The following CACNG7 variants were observed in gnomAD, a reference collection of about 807,000 sequenced individuals.
CACNG7 encodes the protein voltage-dependent calcium channel gamma-7 subunit.
Under a neutral mutation model 26.3 loss-of-function variants are expected in CACNG7, and 9 were observed. The ratio of observed to expected loss-of-function variants is 0.34; its 90% confidence interval spans 0.21 to 0.60. The LOEUF (loss-of-function observed/expected upper bound fraction) is 0.60, where lower values mean the gene tolerates loss of function less well. CACNG7 is among the 20% of genes least tolerant of loss of function. The pLI, the probability that CACNG7 is intolerant of heterozygous loss-of-function variation, is 0.81. For missense variants in CACNG7, 297 were observed against 380.4 expected (o/e 0.78, Z 1.82); for synonymous variants, 170 against 157.0 (o/e 1.08, Z -0.62).
intron 4 of CACNG7, among the ~76,000 whole-genome samples, chr19:53,921,390 T>TC (rs2068949831): frequency 7.0e-6 from 1 of 143,686 alleles, no homozygotes; most frequent in Non-Finnish European, 1.5e-5. Flanking sequence ...ATTGGTGGAG[T>TC]TGCCCCAGGT....
In CACNG7 at chr19:53,925,108, A is replaced by C. The variant is rs1161206848; in HGVS notation, c.424+9603A>C. ...GGTCTGGTCATTGGTGGACTTGCCT[A>C]GGGCTGGTCATTGGTGGACTTGCCT... On this transcript the variant is annotated intron_variant, in intron 4 of 5. Transcript: ENST00000391767. Among the ~76,000 whole-genome samples, 167 of 64,270 alleles carry C rather than the reference A, an allele frequency of 2.6e-3. 8 individuals carry two copies. The highest frequency in any genetic ancestry group is 4.0e-3 in the South Asian group (8 of 1,982). 42.2% of individuals were successfully genotyped at this position (64,270 alleles called of 152,430 possible). A position where few individuals can be genotyped will look rare whatever the true frequency, so the allele number is the denominator to read the frequency against.
At chr19:53,941,327 C>A in intron 4 of CACNG7, 143 bp from the exon 5 acceptor site, 1 of 906,428 alleles carries the variant, frequency 1.1e-6, no homozygotes, top group South Asian at 2.3e-5. Flanking sequence ...CTCCCTGCAC[C>A]CAACCAAGGC....
In CACNG7 at chr19:53,921,632, C is replaced by T. The variant is rs184473579; in HGVS notation, c.424+6127C>T. 5.0e-3 allele frequency among the ~76,000 whole-genome samples: 170 copies of T among 33,674 alleles called. 4 individuals carry two copies. Among genetic ancestry groups the T allele is most frequent in the Middle Eastern group, 0.033 (1 of 30 alleles). 22.1% of individuals were successfully genotyped at this position (33,674 alleles called of 152,430 possible). ...CCCCAGGTCTGGTCATTGGTGGAGTCGTCCCCAGGTCTGGTCATTGGTGGA... is the reference window on the plus strand; with the variant it reads ...CCCCAGGTCTGGTCATTGGTGGAGTTGTCCCCAGGTCTGGTCATTGGTGGA... On this transcript the variant is annotated intron_variant, in intron 4 of 5. Transcript: ENST00000391767.
intron 4 of CACNG7, among the ~76,000 whole-genome samples, chr19:53,917,253 T>G (rs2068904681): frequency 6.6e-6 from 1 of 152,210 alleles, no homozygotes; most frequent in African/African-American, 2.4e-5. Context: ...TCTGACTCAA[T>G]TCTTCAGTTC....
rs116669202 is a variant in CACNG7 at position 53,924,963 on chromosome 19, G to C, written c.424+9458G>C. 9.2e-3 allele frequency among the ~76,000 whole-genome samples: 1,313 copies of C among 142,504 alleles called. 70 individuals are homozygous for C. Among genetic ancestry groups the C allele is most frequent in the African/African-American group, 0.034 (1,207 of 35,812 alleles). 93.5% of individuals were successfully genotyped at this position (142,504 alleles called of 152,430 possible). A position where few individuals can be genotyped will look rare whatever the true frequency, so the allele number is the denominator to read the frequency against. The stretch of plus-strand genomic sequence containing the variant: ...GTGGAGTTGTCCCAGGCTGGTGATT[G>C]GTGGTGTTGTCCGAGGTCTGGTATT... On this transcript the variant is annotated intron_variant, in intron 4 of 5. Coordinates refer to ENST00000391767, the MANE Select transcript of CACNG7 (RefSeq NM_031896.5).
chr19:53,914,445 C>T, intron 2 of CACNG7, 55 bp from the exon 3 acceptor site: 1 of 1,516,110 alleles, frequency 6.6e-7, no homozygotes, highest in Non-Finnish European at 9.1e-7. Flanking sequence ...CACCCCCAGC[C>T]TCTCTAGAGC....
At chr19:53,911,558 A>G (rs2068862466) in intron 1 of CACNG7, among the ~76,000 whole-genome samples, 1 of 152,108 alleles carries the variant, frequency 6.6e-6, no homozygotes, top group African/African-American at 2.4e-5. Flanking sequence ...TTGGAGCAAG[A>G]TTGGGTTTTA....
chr19:53,934,042 C>T (rs1460893923), intron 4 of CACNG7, among the ~76,000 whole-genome samples: 1 of 151,994 alleles, frequency 6.6e-6, no homozygotes, highest in Non-Finnish European at 1.5e-5. Context: ...GGATTACAGG[C>T]CTGCACCACC....
chr19:53,943,716 C>T lies in CACNG7; in HGVS notation c.*1423C>T, dbSNP rs964229826. On this transcript the variant is annotated 3_prime_UTR_variant, in exon 6 of 6. Transcript: ENST00000391767. ...ACTTCAATAAACTTTATTTCAAACA[C>T]GTCTCCGCCTGCCCGGAGGGAAGGG... 6.6e-6 allele frequency: 1 copy of T among 152,044 alleles called. No homozygotes were observed. The highest frequency in any genetic ancestry group is 1.5e-5 in the Non-Finnish European group (1 of 68,022). 9.4% of individuals were successfully genotyped at this position (152,044 alleles called of 1,614,324 possible). A position where few individuals can be genotyped will look rare whatever the true frequency, so the allele number is the denominator to read the frequency against.
chr19:53,924,208 TCTGGTCATTGGTGCAGTTGC>T, intron 4 of CACNG7, among the ~76,000 whole-genome samples: 1 of 137,020 alleles, frequency 7.3e-6, no homozygotes, highest in East Asian at 2.5e-4. Flanking sequence ...TTGTCCCAGG[TCTGGTCATTGGTGCAGTTGC>T]CCCAGGTCTG....
rs552471306 is a variant in CACNG7 at position 53,940,363 on chromosome 19, C to T, written c.425-1107C>T. ...GAACAGTGCCTGGCACAGACCAAGA[C>T]CTATATAAGTCGTTGCTATTATTAT... On this transcript the variant is annotated intron_variant, in intron 4 of 5. Transcript: ENST00000391767. The surrounding 1 kb of genome is among the most constrained non-coding windows in gnomAD (Gnocchi z 4.1). 3.9e-5 allele frequency among the ~76,000 whole-genome samples: 6 copies of T among 152,178 alleles called. No homozygotes were observed.
At position 53,912,233 on chromosome 19, in the gene CACNG7, C is replaced by T. The variant is rs563722310; in HGVS notation, c.-29-570C>T. On this transcript the variant is annotated intron_variant, in intron 1 of 5. Coordinates refer to ENST00000391767, the MANE Select transcript of CACNG7 (RefSeq NM_031896.5). The surrounding 1 kb of genome is among the most constrained non-coding windows in gnomAD (Gnocchi z 4.6). ...GTCTGGTGTTCACAACCGGGGGCTT[C>T]GATCGTCACACAGAGACAGGGCTGC... Among the ~76,000 whole-genome samples the T allele has an allele frequency of 3.3e-5, 5 of 152,078 alleles. No homozygotes were observed. In the East Asian group the frequency reaches 7.8e-4, roughly 24 times the overall value.
At chr19:53,930,335 A>G (rs1039792718) in intron 4 of CACNG7, among the ~76,000 whole-genome samples, 4 of 151,708 alleles carry the variant, frequency 2.6e-5, no homozygotes, top group Non-Finnish European at 5.9e-5. Context: ...CAGCCTCCCG[A>G]ATAGCTAGGA....
rs1368009098 is a variant in CACNG7, at chr19:53,912,909, C to G, written c.78C>G (p.Ile26Met). The G allele has an allele frequency of 6.2e-7, 1 of 1,613,974 alleles. No homozygotes were observed. Among genetic ancestry groups the G allele is most frequent in the Non-Finnish European group, 8.5e-7 (1 of 1,180,036 alleles). The change falls in exon 2 of 6, where the codon ATC becomes ATG. Residue 26 changes from isoleucine to methionine, a missense_variant. Physicochemically the swap from Ile to Met is conservative, Grantham distance 10. Transcript: ENST00000391767. This position sits in a 1 kb window ranked among gnomAD's most constrained non-coding sequence, Gnocchi z 4.6. ...FGACGLLLVG[I>M]AVSTDYWLYM... The stretch of plus-strand genomic sequence containing the variant: ...CGTGTGGCCTGCTCCTGGTAGGCAT[C>G]GCGGTCAGCACTGACTACTGGCTGT...
chr19:53,921,260 C>CCAGGTCTGGTCATTGGTGGAGTTGCCT (rs1276380492), intron 4 of CACNG7, among the ~76,000 whole-genome samples: 1 of 135,140 alleles, frequency 7.4e-6, no homozygotes, highest in East Asian at 2.2e-4. Flanking sequence ...TGGAGTTGCC[C>CCAGGTCTGGTCATTGGTGGAGTTGCCT]CAGGTCTGGT....
chr19:53,913,690 G>A lies in CACNG7; in HGVS notation c.196+663G>A, dbSNP rs533585264. Among the ~76,000 whole-genome samples the A allele has an allele frequency of 2.6e-5, 4 of 151,172 alleles. No individual in the cohort carries two copies. The South Asian group carries it at 6.3e-4, about 24-fold the overall frequency. On this transcript the variant is annotated intron_variant, in intron 2 of 5. Transcript: ENST00000391767. The stretch of plus-strand genomic sequence containing the variant: ...TTCCAGTTATTCAGGAGGCTGAGGT[G>A]GGAAGATTGCTTGTGTCCAGGAGTT...
In CACNG7 at chr19:53,942,016, C is replaced by T. The variant is rs2069140605; in HGVS notation, c.571-20C>T. The T allele has an allele frequency of 6.4e-7, 1 of 1,568,820 alleles. No individual in the cohort carries two copies. Among genetic ancestry groups the T allele is most frequent in the Admixed American group, 1.8e-5 (1 of 56,912 alleles). On this transcript the variant is annotated intron_variant, in intron 5 of 5. Transcript: ENST00000391767. This position sits in a 1 kb window ranked among gnomAD's most constrained non-coding sequence, Gnocchi z 5.9. ...TGCGCAGGGGGGCGCCCCTGGGACT[C>T]TGACCTTGCCTTGCCGCAGGGGGCC...
intron 4 of CACNG7, among the ~76,000 whole-genome samples, chr19:53,920,897 TC>T (rs2068941881): frequency 9.2e-6 from 1 of 108,224 alleles, no homozygotes. Flanking sequence ...CCAGGTCTGG[TC>T]ATTGGTGGAG....
chr19:53,927,885 G>C (rs2069043725), intron 4 of CACNG7, among the ~76,000 whole-genome samples: 1 of 151,814 alleles, frequency 6.6e-6, no homozygotes, highest in Non-Finnish European at 1.5e-5. Context: ...CTAAGACAGA[G>C]GTCGACGCCA....
Sources: allele counts gnomAD v4.1 joint callset (sites outside exome capture counted in the v4.1 genomes callset), GRCh38; gene constraint gnomAD v4.1.1; non-coding constraint Gnocchi (gnomAD v3.1); transcripts MANE v1.5; gene names NCBI Gene and HGNC (gene_info 2026-07-23, HGNC 2026-07-21).